The following PTPRM variants were observed in gnomAD, a reference collection of about 807,000 sequenced individuals.
The protein encoded by PTPRM is protein tyrosine phosphatase receptor type M.
A neutral mutation model predicts 186.7 loss-of-function variants in PTPRM; 47 were observed. The observed-to-expected ratio is 0.25, with a 90% CI of 0.20 to 0.32. PTPRM has a LOEUF of 0.32. Ranked by LOEUF, PTPRM falls within the 10% of genes least tolerant of loss-of-function variation. PTPRM has a pLI of 1.00. For missense variants in PTPRM, 1,494 were observed against 1,865.0 expected (o/e 0.80, Z 3.66); for synonymous variants, 668 against 674.9 (o/e 0.99, Z 0.16).
intron 31 of PTPRM, among the ~76,000 whole-genome samples, 165 bp from the exon 32 acceptor site, chr18:8,394,311 C>T (rs1284919569): frequency 6.6e-6 from 1 of 152,160 alleles, no homozygotes; most frequent in Admixed American, 6.5e-5. Context: ...ATGGCTTGCT[C>T]TGTTTGCTTT....
intron 13 of PTPRM, among the ~76,000 whole-genome samples, chr18:8,135,578 G>A (rs1409263189): frequency 6.6e-6 from 1 of 152,030 alleles, no homozygotes; most frequent in East Asian, 1.9e-4. Context: ...TCCTATAATT[G>A]GAGACCCTCT....
intron 2 of PTPRM, among the ~76,000 whole-genome samples, chr18:7,825,875 G>A (rs993302805): frequency 2.0e-5 from 3 of 152,180 alleles, no homozygotes; most frequent in African/African-American, 4.8e-5. Context: ...GAATAATATC[G>A]AATGGGACAT....
intron 2 of PTPRM, among the ~76,000 whole-genome samples, chr18:7,841,209 T>A (rs2046301817): frequency 6.6e-6 from 1 of 152,092 alleles, no homozygotes; most frequent in Admixed American, 6.5e-5. Context: ...TATTGCTTCC[T>A]TATAGGAATA....
At chr18:7,884,924 CAAAAAA>C (rs56724615) in intron 2 of PTPRM, among the ~76,000 whole-genome samples, 7 of 37,844 alleles carry the variant, frequency 1.8e-4, no homozygotes, top group Non-Finnish European at 2.4e-4. Flanking sequence ...AGCTCCATCT[CAAAAAA>C]AAAAAAAAAA....
chr18:8,376,922 G>C (rs2095699889), intron 26 of PTPRM: 1 of 229,432 alleles, frequency 4.4e-6, no homozygotes, highest in Non-Finnish European at 8.6e-6. Context: ...TTTTAAACTA[G>C]CTGGTAACCA....
chr18:7,616,216 G>T (rs543817459), intron 1 of PTPRM, among the ~76,000 whole-genome samples: 10 of 152,238 alleles, frequency 6.6e-5, no homozygotes, highest in African/African-American at 2.4e-4. Context: ...GAGTGTGGTG[G>T]TGCCATCACT....
At chr18:7,794,209 A>G (rs1341590671) in intron 2 of PTPRM, among the ~76,000 whole-genome samples, 1 of 152,196 alleles carries the variant, frequency 6.6e-6, no homozygotes, top group Non-Finnish European at 1.5e-5. Context: ...TCCTTGTGAT[A>G]GGGCAGGGGG....
At chr18:7,632,526 T>C (rs1002975342) in intron 1 of PTPRM, among the ~76,000 whole-genome samples, 18 of 152,198 alleles carry the variant, frequency 1.2e-4, no homozygotes, top group Admixed American at 9.2e-4. Context: ...TAGCACTTGG[T>C]GTCGTTTCCA....
chr18:7,873,785 A>T (rs1207768076), intron 2 of PTPRM, among the ~76,000 whole-genome samples: 1 of 152,206 alleles, frequency 6.6e-6, no homozygotes, highest in African/African-American at 2.4e-5. Flanking sequence ...ACTGACCATG[A>T]TCATTAATAA....
At chr18:7,654,571 G>T (rs1181525877) in intron 1 of PTPRM, among the ~76,000 whole-genome samples, 1 of 152,016 alleles carries the variant, frequency 6.6e-6, no homozygotes, top group Non-Finnish European at 1.5e-5. Context: ...GTCTTCCAGG[G>T]TTTTTATAGT....
chr18:7,768,548 C>G (rs988256970), intron 1 of PTPRM, among the ~76,000 whole-genome samples: 8 of 152,120 alleles, frequency 5.3e-5, no homozygotes, highest in Admixed American at 2.6e-4. Flanking sequence ...CATTAGCACA[C>G]ACTACCTGCA....
At chr18:8,372,244 T>C (rs1248128278) in intron 24 of PTPRM, among the ~76,000 whole-genome samples, 1 of 146,706 alleles carries the variant, frequency 6.8e-6, no homozygotes, top group African/African-American at 2.5e-5. Flanking sequence ...GCTAATTTTT[T>C]GTATTTTTTT....
intron 7 of PTPRM, among the ~76,000 whole-genome samples, chr18:8,055,207 A>T (rs2087834222): frequency 6.6e-6 from 1 of 152,120 alleles, no homozygotes. Flanking sequence ...TTATGTCTTC[A>T]GTTAGTGCCT....
intron 1 of PTPRM, among the ~76,000 whole-genome samples, chr18:7,683,090 G>A (rs2039516223): frequency 6.6e-6 from 1 of 151,828 alleles, no homozygotes; most frequent in Non-Finnish European, 1.5e-5. Flanking sequence ...AGGAAGAACA[G>A]TCTCATGTCA....
chr18:8,269,176 A>G (rs1488539040), intron 19 of PTPRM, among the ~76,000 whole-genome samples: 1 of 152,030 alleles, frequency 6.6e-6, no homozygotes, highest in Non-Finnish European at 1.5e-5. Context: ...CAGAGACTCC[A>G]CCAGAAACTG....
At chr18:7,885,951 G>A (rs1377040263) in intron 2 of PTPRM, among the ~76,000 whole-genome samples, 2 of 152,200 alleles carry the variant, frequency 1.3e-5, no homozygotes, top group Non-Finnish European at 2.9e-5. Context: ...TTCACAGGAT[G>A]TGGGCAACAC....
chr18:8,398,803 A>G (rs527937177), intron 32 of PTPRM, among the ~76,000 whole-genome samples: 178 of 151,892 alleles, frequency 1.2e-3, no homozygotes, highest in African/African-American at 4.2e-3. Flanking sequence ...ATTCAGTCAC[A>G]AAAGGCCACA....
At chr18:7,927,867 A>G (rs958190120) in intron 5 of PTPRM, among the ~76,000 whole-genome samples, 3 of 152,184 alleles carry the variant, frequency 2.0e-5, no homozygotes, top group South Asian at 2.1e-4. Flanking sequence ...CAGCCTCCCA[A>G]GTAGCTGGTA....
At chr18:7,793,967 T>C (rs2043470497) in intron 2 of PTPRM, among the ~76,000 whole-genome samples, 1 of 152,140 alleles carries the variant, frequency 6.6e-6, no homozygotes, top group South Asian at 2.1e-4. Context: ...CACCAGACAC[T>C]GGCACGCCTT....
Sources: gnomAD v4.1 joint callset for allele counts (sites outside exome capture counted in the v4.1 genomes callset) on GRCh38, gnomAD v4.1.1 for gene constraint, MANE v1.5 for transcripts, NCBI Gene and HGNC (gene_info 2026-07-23, HGNC 2026-07-21) for gene names.